The following ARID1B variants were observed in gnomAD, a reference collection of about 807,000 sequenced individuals.
ARID1B encodes AT-rich interactive domain-containing protein 1B.
A neutral mutation model predicts 212.3 loss-of-function variants in ARID1B; 30 were observed. The observed-to-expected ratio is 0.14, with a 90% CI of 0.11 to 0.19. The LOEUF is 0.19. ARID1B is among the 10% of genes least tolerant of loss of function. ARID1B has a pLI of 1.00. For synonymous variants in ARID1B, 1,402 were observed against 1,301.7 expected (o/e 1.08, Z -1.66); for missense variants, 2,891 against 3,204.0 (o/e 0.90, Z 2.36).
Position 156,779,390 on chromosome 6 carries a change from C to T in ARID1B, c.1710C>T (p.Ser570=), listed in dbSNP as rs1779018370. 2 of 1,417,110 alleles carry T rather than the reference C, an allele frequency of 1.4e-6. No homozygotes were observed. The highest frequency in any genetic ancestry group is 1.4e-5 in the South Asian group (1 of 73,752). 87.8% of individuals were successfully genotyped at this position (1,417,110 alleles called of 1,614,324 possible). A position where few individuals can be genotyped will look rare whatever the true frequency, so the allele number is the denominator to read the frequency against. The part of the protein sequence containing the change: ...KDMGAQYAAA[S]PAWAAAQQRS... ...TGGGCGCCCAGTACGCCGCTGCCAGCCCGGCCTGGGCGGCCGCGCAACAAA... is the reference window on the plus strand; with the variant it reads ...TGGGCGCCCAGTACGCCGCTGCCAGTCCGGCCTGGGCGGCCGCGCAACAAA... Residue 570 remains serine (S), a synonymous_variant, in exon 1 of 20, where the codon AGC becomes AGT. Transcript: ENST00000636930.
chr6:157,126,546 G>T (rs1427542084), intron 6 of ARID1B, among the ~76,000 whole-genome samples: 2 of 152,108 alleles, frequency 1.3e-5, no homozygotes, highest in African/African-American at 2.4e-5. Context: ...AGCATACAGC[G>T]CAGGACTCAA....
chr6:156,849,260 A>G (rs1440133943), intron 2 of ARID1B, among the ~76,000 whole-genome samples: 1 of 152,160 alleles, frequency 6.6e-6, no homozygotes, highest in Non-Finnish European at 1.5e-5. Flanking sequence ...GTACTTAGAA[A>G]ACCATTTTTG....
At chr6:157,113,645 A>T (rs532910491) in intron 6 of ARID1B, among the ~76,000 whole-genome samples, 49 of 152,092 alleles carry the variant, frequency 3.2e-4, no homozygotes, top group African/African-American at 1.1e-3. Flanking sequence ...TGATCCAATA[A>T]CCTCCCACCA....
intron 3 of ARID1B, among the ~76,000 whole-genome samples, chr6:156,902,981 T>A (rs1789074456): frequency 6.6e-6 from 1 of 152,164 alleles, no homozygotes; most frequent in Non-Finnish European, 1.5e-5. Context: ...TGTTTTGTCA[T>A]GTCATCAAAA....
intron 4 of ARID1B, among the ~76,000 whole-genome samples, chr6:157,081,879 C>T (rs1249511973): frequency 2.0e-5 from 3 of 152,122 alleles, no homozygotes; most frequent in Non-Finnish European, 4.4e-5. Flanking sequence ...GTCCTTTCTA[C>T]GTTTAACTTC....
intron 1 of ARID1B, among the ~76,000 whole-genome samples, chr6:156,828,863 T>C (rs1782943235): frequency 6.6e-6 from 1 of 152,244 alleles, no homozygotes; most frequent in Admixed American, 6.5e-5. Flanking sequence ...TACCCTCTGC[T>C]CTTATTACTA....
chr6:156,968,908 G>A (rs1776722415), intron 4 of ARID1B, among the ~76,000 whole-genome samples: 1 of 152,352 alleles, frequency 6.6e-6, no homozygotes, highest in Admixed American at 6.5e-5. Flanking sequence ...CTAGCTGCTT[G>A]GAGTGAAGGG....
At chr6:157,109,006 A>G (rs552965914) in intron 5 of ARID1B, among the ~76,000 whole-genome samples, 2 of 152,362 alleles carry the variant, frequency 1.3e-5, no homozygotes, top group South Asian at 2.1e-4. Flanking sequence ...CAATTGTTTT[A>G]TAGTAATATT....
intron 11 of ARID1B, among the ~76,000 whole-genome samples, chr6:157,178,425 TAC>T (rs1304677764): frequency 6.6e-6 from 1 of 152,208 alleles, no homozygotes; most frequent in East Asian, 1.9e-4. Context: ...CATACAGTTT[TAC>T]ACAGTGTGTG....
At chr6:156,961,657 C>T (rs145762201) in intron 4 of ARID1B, among the ~76,000 whole-genome samples, 1,662 of 152,196 alleles carry the variant, frequency 0.011, 25 homozygotes, top group African/African-American at 0.038. Flanking sequence ...AGGGCAGGGT[C>T]GCTGTGTGAG....
intron 8 of ARID1B, among the ~76,000 whole-genome samples, chr6:157,161,548 G>A (rs1790948869): frequency 6.6e-6 from 1 of 151,986 alleles, no homozygotes; most frequent in Non-Finnish European, 1.5e-5. Flanking sequence ...TGCTTTGGAA[G>A]AGTCACCATG....
rs760090226 is a variant in ARID1B, at chr6:156,779,153, G to C, written c.1473G>C (p.Gln491His). The change falls in exon 1 of 20, where the codon CAG becomes CAC. Residue 491 changes from glutamine (Q) to histidine (H), a missense_variant. By Grantham distance (24) the Gln-to-His change is conservative. Coordinates refer to ENST00000636930, the MANE Select transcript of ARID1B (RefSeq NM_001374828.1). ...GGGGCTTCCAGCGCTTCGCCGGCCA[G>C]AACCAGCACCCGTCGGGGGCCACCC... Reference protein sequence around the residue: ...AAGGFQRFAGQNQHPSGATPT... With the variant: ...AAGGFQRFAGHNQHPSGATPT... 1.5e-6 allele frequency: 2 copies of C among 1,310,692 alleles called. No individual in the cohort carries two copies. The highest frequency in any genetic ancestry group is 3.3e-5 in the East Asian group (1 of 30,618). The allele number at this position is 1,310,692 out of a possible 1,614,324, so 81.2% of individuals were successfully genotyped here.
At position 156,778,067 on chromosome 6, in the gene ARID1B, G is replaced by C. The variant is rs1436534163; in HGVS notation, c.387G>C (p.Ala129=). The part of the protein sequence containing the change: ...SSSSSSAAAA[A]ASSSSSSGPG... Reference sequence around the variant, plus strand: ...CCTCCTCCTCCGCGGCGGCAGCGGCGGCATCCTCTTCCTCCTCGTCGGGCC... The same window carrying C: ...CCTCCTCCTCCGCGGCGGCAGCGGCCGCATCCTCTTCCTCCTCGTCGGGCC... The change falls in exon 1 of 20, where the codon GCG becomes GCC. Residue 129 remains alanine, a synonymous_variant. Transcript: ENST00000636930. 6.5e-7 allele frequency: 1 copy of C among 1,538,562 alleles called. No homozygotes were observed. Among genetic ancestry groups the C allele is most frequent in the African/African-American group, 1.4e-5 (1 of 72,662 alleles).
intron 2 of ARID1B, among the ~76,000 whole-genome samples, chr6:156,843,687 A>G (rs1180996412): frequency 6.6e-6 from 1 of 152,236 alleles, no homozygotes; most frequent in Non-Finnish European, 1.5e-5. Context: ...TTTTGCAGTT[A>G]GATAAATGCC....
At chr6:157,012,300 G>A (rs1779661584) in intron 4 of ARID1B, among the ~76,000 whole-genome samples, 1 of 152,188 alleles carries the variant, frequency 6.6e-6, no homozygotes, top group Non-Finnish European at 1.5e-5. Context: ...TGGAATTAAA[G>A]GCAAAAAACT....
intron 4 of ARID1B, among the ~76,000 whole-genome samples, chr6:157,046,577 A>C (rs1782258201): frequency 6.6e-6 from 1 of 152,158 alleles, no homozygotes; most frequent in African/African-American, 2.4e-5. Flanking sequence ...TATTCATTGG[A>C]AGTACAAGTG....
At chr6:156,848,717 A>G (rs1784389330) in intron 2 of ARID1B, among the ~76,000 whole-genome samples, 1 of 152,208 alleles carries the variant, frequency 6.6e-6, no homozygotes, top group African/African-American at 2.4e-5. Context: ...GCCCAAGGCC[A>G]GGCTTTTTAT....
chr6:157,070,609 G>A (rs1374160089), intron 4 of ARID1B, among the ~76,000 whole-genome samples: 1 of 152,210 alleles, frequency 6.6e-6, no homozygotes, highest in East Asian at 1.9e-4. Context: ...TAGTCAATCA[G>A]GCCAGGAGTT....
At chr6:156,966,286 G>A (rs1794733175) in intron 4 of ARID1B, among the ~76,000 whole-genome samples, 1 of 149,108 alleles carries the variant, frequency 6.7e-6, no homozygotes, top group Non-Finnish European at 1.5e-5. Flanking sequence ...TTAAATTTTT[G>A]TTTATTTTCT....
Sources: gnomAD v4.1 joint callset for allele counts (sites outside exome capture counted in the v4.1 genomes callset) on GRCh38, gnomAD v4.1.1 for gene constraint, MANE v1.5 for transcripts, NCBI Gene and HGNC (gene_info 2026-07-23, HGNC 2026-07-21) for gene names.